The following PER1 variants were observed in gnomAD, a reference collection of about 807,000 sequenced individuals.
The protein encoded by PER1 is period circadian protein homolog 1.
A neutral mutation model predicts 125.9 loss-of-function variants in PER1; 87 were observed. The observed-to-expected ratio is 0.69, with a 90% CI of 0.58 to 0.83. The LOEUF is 0.83. Among genes scored for constraint, PER1 ranks in the 40% least tolerant of loss-of-function variants. PER1 has a pLI of 0.00. For synonymous variants in PER1, 801 were observed against 714.7 expected (o/e 1.12, Z -1.93); for missense variants, 1,775 against 1,722.8 (o/e 1.03, Z -0.54).
At chr17:8,149,358 A>C in intron 6 of PER1, 48 bp from the exon 7 acceptor site, 1 of 1,608,224 alleles carries the variant, frequency 6.2e-7, no homozygotes, top group Non-Finnish European at 8.5e-7. Flanking sequence ...CCCCTTCCCT[A>C]GGCTGCGAAG....
At position 8,141,955 on chromosome 17, in the gene PER1, C is replaced by G. The variant is rs752556715; in HGVS notation, c.3450G>C (p.Arg1150Ser). The G allele has an allele frequency of 1.2e-6, 2 of 1,613,740 alleles. No homozygotes were observed. The highest frequency in any genetic ancestry group is 1.7e-6 in the Non-Finnish European group (2 of 1,180,028). ...RVMMTYQVPSRDMTSVLKQDR... is the reference protein window; with the variant it reads ...RVMMTYQVPSSDMTSVLKQDR... ...CCTGCTTCAGCACAGAGGTCATGTC[C>G]CTGCCCAAGAAGGGGTTCAGAAGGC... Residue 1150 changes from arginine to serine, a missense_variant and splice_region_variant, in exon 22 of 23, where the codon AGG (arginine) becomes AGC (serine). Transcript: ENST00000317276.
In PER1 at chr17:8,143,620, G is replaced by A; in HGVS notation, c.2718C>T (p.Pro906=). Residue 906 remains proline, a synonymous_variant, in exon 19 of 23, where the codon CCC becomes CCT. Coordinates refer to ENST00000317276, the MANE Select transcript of PER1 (RefSeq NM_002616.3). ...CCAAAGGGGCGGGGAAAGCAGCTGG[G>A]GGCACAGATGTGGGAGCAGGGGGAA... ...QPLPPAPTSV[P]PAAFPAPLVT... is the part of the protein sequence containing the mutation. 3 of 1,451,754 alleles carry A rather than the reference G, an allele frequency of 2.1e-6. No homozygotes were observed. Among genetic ancestry groups the A allele is most frequent in the Non-Finnish European group, 2.7e-6 (3 of 1,094,796 alleles). The allele number at this position is 1,451,754 out of a possible 1,614,324, so 89.9% of individuals were successfully genotyped here. A position where few individuals can be genotyped will look rare whatever the true frequency, so the allele number is the denominator to read the frequency against.
At chr17:8,145,141 CCTCT>C in intron 17 of PER1, 148 bp from the exon 18 acceptor site, 1 of 820,800 alleles carries the variant, frequency 1.2e-6, no homozygotes, top group Non-Finnish European at 1.7e-6. Context: ...TTCTTGGTCA[CCTCT>C]CTGCCAACGG....
chr17:8,142,435 T>C lies in PER1; in HGVS notation c.3283A>G (p.Ser1095Gly). 6.3e-7 allele frequency: 1 copy of C among 1,590,830 alleles called. No individual in the cohort carries two copies. Among genetic ancestry groups the C allele is most frequent in the Non-Finnish European group, 8.6e-7 (1 of 1,167,664 alleles). The change falls in exon 21 of 23, where the codon AGC becomes GGC. Residue 1095 changes from serine to glycine, a missense_variant. Physicochemically the swap from Ser to Gly is moderately conservative, Grantham distance 56 (BLOSUM62 0). Transcript: ENST00000317276. Reference sequence around the variant, plus strand: ...GAGTCGATGCTGCCAAAGTATTTGCTTGTGTGGCTGCTCTGGCTGCTGCCT... The same window carrying C: ...GAGTCGATGCTGCCAAAGTATTTGCCTGTGTGGCTGCTCTGGCTGCTGCCT... The part of the protein sequence containing the change: ...ITRSSQSSHT[S>G]KYFGSIDSSE...
Position 8,147,838 on chromosome 17 carries a change from T to C in PER1, c.1235-11A>G. On this transcript the variant is annotated splice_polypyrimidine_tract_variant and intron_variant, in intron 10 of 22. Coordinates refer to ENST00000317276, the MANE Select transcript of PER1 (RefSeq NM_002616.3). The stretch of plus-strand genomic sequence containing the variant: ...CCGCCAACTGCAGAACTGATGGAAG[T>C]GGGAAAGGAGGAGCGGTCAAAGGGA... The C allele has an allele frequency of 6.2e-7, 1 of 1,611,746 alleles. No individual in the cohort carries two copies. The highest frequency in any genetic ancestry group is 8.5e-7 in the Non-Finnish European group (1 of 1,179,356).
Position 8,150,251 on chromosome 17 carries a change from T to C in PER1, c.342A>G (p.Ser114=), listed in dbSNP as rs779387046. The C allele has an allele frequency of 6.3e-7, 1 of 1,576,438 alleles. No individual in the cohort carries two copies. Among genetic ancestry groups the C allele is most frequent in the South Asian group, 1.2e-5 (1 of 85,484 alleles). The change falls in exon 3 of 23, where the codon TCA becomes TCG. Residue 114 remains serine (S), a synonymous_variant. Coordinates refer to ENST00000317276, the MANE Select transcript of PER1 (RefSeq NM_002616.3). The part of the protein sequence containing the change: ...SIAYSLLSAS[S]EQDNPSTSGC... Reference sequence around the variant, plus strand: ...CACTGGTGGACGGGTTGTCCTGCTCTGAGCTGGCACTCAGGAGGCTGTAGG... The same window carrying C: ...CACTGGTGGACGGGTTGTCCTGCTCCGAGCTGGCACTCAGGAGGCTGTAGG...
chr17:8,149,397 C>T (rs780053643), intron 6 of PER1, 65 bp downstream of exon 6: 63 of 1,604,624 alleles, frequency 3.9e-5, no homozygotes, highest in South Asian at 2.6e-4. Context: ...CTGGGTTCCC[C>T]GGCCCCTCAC....
intron 21 of PER1, 108 bp downstream of exon 21, chr17:8,142,161 A>T: frequency 5.3e-6 from 6 of 1,122,526 alleles, no homozygotes; most frequent in South Asian, 1.5e-5. Context: ...AGCAGGAAGA[A>T]AGATAGAAAC....
At chr17:8,151,286 A>G (rs915349312) in intron 1 of PER1, among the ~76,000 whole-genome samples, 2 of 152,120 alleles carry the variant, frequency 1.3e-5, no homozygotes, top group African/African-American at 4.8e-5. Context: ...CGGCCCCACC[A>G]CGCGCTTCCG....
At position 8,146,663 on chromosome 17, in the gene PER1, T is replaced by G. The variant is rs1375107526; in HGVS notation, c.1838A>C (p.Glu613Ala). The change falls in exon 15 of 23, where the codon GAG becomes GCG. Residue 613 changes from glutamate to alanine, a missense_variant. Transcript: ENST00000317276. ...PVQAPLALVP[E>A]EAERKEASSC... ...GGAGGCTTCTTTCCTCTCGGCCTCC[T>G]CAGGGACCAAGGCTAGTGGGGCCTG... 1.9e-6 allele frequency: 3 copies of G among 1,613,884 alleles called. No homozygotes were observed. The highest frequency in any genetic ancestry group is 1.7e-6 in the Non-Finnish European group (2 of 1,180,006).
rs762003768 is a variant in PER1, at chr17:8,146,571, A to G, written c.1907+23T>C. ...TGGGCAGGGTTAGAGCCCGAGGTGG[A>G]GAAGATGCCTGGCAGGCCTTACCTG... is the stretch of plus-strand genomic sequence containing the variant. On this transcript the variant is annotated intron_variant, in intron 15 of 22. Transcript: ENST00000317276. The G allele has an allele frequency of 3.6e-5, 57 of 1,603,036 alleles. No individual in the cohort carries two copies. In the Middle Eastern group the frequency reaches 8.4e-4, roughly 24 times the overall value.
rs1406910913 is a variant in PER1 at position 8,148,504 on chromosome 17, G to A, written c.1048+140C>T. On this transcript the variant is annotated intron_variant, in intron 8 of 22. Coordinates refer to ENST00000317276, the MANE Select transcript of PER1 (RefSeq NM_002616.3). ...TTATTCAACTCTACCTCTAAGAGGA[G>A]CTCAAATCCTCATCTTTACAATAGC... is the stretch of plus-strand genomic sequence containing the variant. 1.4e-5 allele frequency: 16 copies of A among 1,110,238 alleles called. 1 individual carries two copies. In the East Asian group the frequency reaches 2.6e-4, roughly 18 times the overall value. The allele number at this position is 1,110,238 out of a possible 1,614,324, so 68.8% of individuals were successfully genotyped here. A position where few individuals can be genotyped will look rare whatever the true frequency, so the allele number is the denominator to read the frequency against.
rs1187195578 is a variant in PER1 at position 8,142,657 on chromosome 17, C to T, written c.3251G>A (p.Ser1084Asn). The change falls in exon 20 of 23, where the codon AGC (serine) becomes AAC (asparagine). Residue 1084 changes from serine to asparagine, a missense_variant. Ser to Asn is a conservative substitution (Grantham distance 46). Coordinates refer to ENST00000317276, the MANE Select transcript of PER1 (RefSeq NM_002616.3). ...GSHEGGSTSASITRSSQSSHT... is the reference protein window; with the variant it reads ...GSHEGGSTSANITRSSQSSHT... ...GGAGGCGGGGTACTCACGAGTGATG[C>T]TGGCTGAGGTGCTGCCCCCTTCATG... is the stretch of plus-strand genomic sequence containing the variant. The T allele has an allele frequency of 1.2e-6, 2 of 1,613,894 alleles. No individual in the cohort carries two copies. Among genetic ancestry groups the T allele is most frequent in the African/African-American group, 1.3e-5 (1 of 75,060 alleles).
Position 8,144,931 on chromosome 17 carries a change from TG to T in PER1, c.2280del (p.Ser761AlafsTer4). On this transcript the variant is annotated frameshift_variant, in exon 18 of 23. Transcript: ENST00000317276. LOFTEE classifies it high-confidence loss of function. ...GCTGGGTCAGGGGCTACTGTGGGGC[TG>T]GGGGCTGGGCTGGGGGCTGGGCCTG... ...LAPGPAPSPA[P>X]SPTVAPDPAP... is the part of the protein sequence containing the mutation. 3 of 1,516,316 alleles carry T rather than the reference TG, an allele frequency of 2.0e-6. No individual in the cohort carries two copies. Among genetic ancestry groups the T allele is most frequent in the East Asian group, 2.3e-5 (1 of 43,036 alleles). 93.9% of individuals were successfully genotyped at this position (1,516,316 alleles called of 1,614,324 possible).
chr17:8,148,618 C>T (rs1374425980), intron 8 of PER1, 26 bp downstream of exon 8: 1 of 1,573,472 alleles, frequency 6.4e-7, no homozygotes, highest in Admixed American at 2.0e-5. Context: ...CCAGCCCCCA[C>T]CAGGCCAGGG....
chr17:8,145,324 CTTTT>C (rs398030276), intron 17 of PER1, among the ~76,000 whole-genome samples: 36 of 125,508 alleles, frequency 2.9e-4, no homozygotes, highest in South Asian at 1.2e-3. Flanking sequence ...TTTCTTGTTT[CTTTT>C]TTTTTTTTTT....
In PER1 at chr17:8,143,809, G is replaced by T. The variant is rs1568024919; in HGVS notation, c.2529C>A (p.Arg843=). Residue 843 remains arginine, a synonymous_variant, in exon 19 of 23, where the codon CGC becomes CGA. Transcript: ENST00000317276. ...HHCRSKAKRS[R]HHQNPRAEAP... is the part of the protein sequence containing the mutation. ...CTTCAGCCCGAGGGTTCTGGTGGTG[G>T]CGTGAGCGCTTGGCTTTGGATCGGC... is the stretch of plus-strand genomic sequence containing the variant. 1.2e-6 allele frequency: 2 copies of T among 1,612,676 alleles called. No individual in the cohort carries two copies. The highest frequency in any genetic ancestry group is 1.7e-6 in the Non-Finnish European group (2 of 1,179,294).
intron 16 of PER1, 36 bp downstream of exon 16, chr17:8,146,336 A>G: frequency 6.4e-7 from 1 of 1,573,670 alleles, no homozygotes; most frequent in East Asian, 2.2e-5. Flanking sequence ...CCAGGCCAGG[A>G]CGGGGCAGTG....
chr17:8,144,116 C>G, intron 18 of PER1: 2 of 532,342 alleles, frequency 3.8e-6, no homozygotes, highest in Non-Finnish European at 6.3e-6. Context: ...CACGAGGGGT[C>G]GAGCTGGGGG....
Sources: gnomAD v4.1 joint callset for allele counts (sites outside exome capture counted in the v4.1 genomes callset) on GRCh38, gnomAD v4.1.1 for gene constraint, MANE v1.5 for transcripts, NCBI Gene and HGNC (gene_info 2026-07-23, HGNC 2026-07-21) for gene names.